The following ERC2 variants were observed in gnomAD, a reference collection of about 807,000 sequenced individuals.
ERC2 encodes the protein ELKS/RAB6-interacting/CAST family member 2.
A neutral mutation model predicts 114.8 loss-of-function variants in ERC2; 42 were observed. The ratio of observed to expected loss-of-function variants is 0.37; its 90% CI spans 0.29 to 0.47. ERC2 has a LOEUF of 0.47. Among genes scored for constraint, ERC2 ranks in the 20% least tolerant of loss-of-function variants. The pLI is 0.99. For synonymous variants in ERC2, 454 were observed against 425.5 expected, an observed-to-expected ratio of 1.07 and a Z score of -0.82; for missense variants, 939 against 1,150.7, an observed-to-expected ratio of 0.82 and a Z score of 2.66.
chr3:55,893,901 T>G lies in ERC2; in HGVS notation c.2404-5352A>C, dbSNP rs180709342. ...GTGTATCCCTAGCCTCTGACTCTAC[T>G]CTTACCCCTAAGTGAGGACATGGTT... On this transcript the variant is annotated intron_variant, in intron 13 of 17. Transcript: ENST00000288221. Among the ~76,000 whole-genome samples, 508 of 152,304 alleles carry G rather than the reference T, an allele frequency of 3.3e-3. 3 individuals carry two copies. The highest frequency in any genetic ancestry group is 8.9e-3 in the African/African-American group (369 of 41,564).
At chr3:56,257,406 C>T (rs2052594101) in intron 3 of ERC2, among the ~76,000 whole-genome samples, 1 of 152,196 alleles carries the variant, frequency 6.6e-6, no homozygotes, top group African/African-American at 2.4e-5. Context: ...TTGAGAACCA[C>T]CTGCAGTTCA....
intron 2 of ERC2, among the ~76,000 whole-genome samples, chr3:56,309,269 C>G (rs73088517): frequency 0.061 from 9,259 of 152,232 alleles, 680 homozygotes; most frequent in African/African-American, 0.17. Flanking sequence ...GGGTTCCTCA[C>G]CCACACACTG....
rs2049488394 is a variant in ERC2 at position 56,216,547 on chromosome 3, C to T, written c.1075-43027G>A. ...GTCCAGAACCAGACAGATTCACAGCCGAATTCTACCAGAGGTATAAGGAGG... is the reference window on the plus strand; with the variant it reads ...GTCCAGAACCAGACAGATTCACAGCTGAATTCTACCAGAGGTATAAGGAGG... On this transcript the variant is annotated intron_variant, in intron 3 of 17. Transcript: ENST00000288221. Among the ~76,000 whole-genome samples the T allele has an allele frequency of 2.0e-5, 3 of 152,136 alleles. No individual in the cohort carries two copies. The South Asian group carries it at 6.2e-4, about 32-fold the overall frequency.
chr3:55,943,881 C>T (rs1255420955), intron 13 of ERC2, among the ~76,000 whole-genome samples: 3 of 152,084 alleles, frequency 2.0e-5, no homozygotes, highest in African/African-American at 4.8e-5. Context: ...CTCTACAAGC[C>T]CAGCCCTCCT....
At chr3:55,900,777 G>T (rs1371342783) in intron 13 of ERC2, among the ~76,000 whole-genome samples, 2 of 152,204 alleles carry the variant, frequency 1.3e-5, no homozygotes, top group African/African-American at 4.8e-5. Flanking sequence ...ATAGTCAACA[G>T]ATGTGGGAGG....
intron 14 of ERC2, among the ~76,000 whole-genome samples, chr3:55,755,919 G>A (rs953618768): frequency 7.2e-5 from 11 of 152,024 alleles, no homozygotes; most frequent in African/African-American, 2.7e-4. Context: ...ATAAATAAAT[G>A]TTGATACTAA....
intron 14 of ERC2, among the ~76,000 whole-genome samples, chr3:55,871,575 A>G (rs2062585298): frequency 6.6e-6 from 1 of 152,222 alleles, no homozygotes; most frequent in Admixed American, 6.5e-5. Flanking sequence ...CGGAAGAGGC[A>G]CCATTCGGCC....
At chr3:55,909,792 A>C (rs2064692803) in intron 13 of ERC2, among the ~76,000 whole-genome samples, 1 of 152,184 alleles carries the variant, frequency 6.6e-6, no homozygotes, top group South Asian at 2.1e-4. Flanking sequence ...TTTTTCTACC[A>C]AACATGACAG....
chr3:56,464,221 G>A (rs1378622211), intron 1 of ERC2, among the ~76,000 whole-genome samples: 3 of 152,224 alleles, frequency 2.0e-5, no homozygotes, highest in African/African-American at 4.8e-5. Flanking sequence ...CAGAGTCTAC[G>A]TTTACAGACA....
intron 6 of ERC2, among the ~76,000 whole-genome samples, chr3:56,121,058 C>A (rs2079546838): frequency 6.6e-6 from 1 of 152,162 alleles, no homozygotes; most frequent in Non-Finnish European, 1.5e-5. Context: ...AATTTGAAAT[C>A]CTGCATGATT....
At chr3:56,423,668 C>CA (rs2061466879) in intron 2 of ERC2, among the ~76,000 whole-genome samples, 1 of 152,198 alleles carries the variant, frequency 6.6e-6, no homozygotes, top group Admixed American at 6.5e-5. Context: ...TTCCAAGGCA[C>CA]AATCAAGCAC....
chr3:55,710,485 G>T (rs370555944), intron 15 of ERC2, among the ~76,000 whole-genome samples: 1 of 151,864 alleles, frequency 6.6e-6, no homozygotes, highest in Non-Finnish European at 1.5e-5. Context: ...GAGTCATATG[G>T]TTGTTTTTTT....
chr3:55,993,455 T>C (rs2071236267), intron 10 of ERC2, among the ~76,000 whole-genome samples: 1 of 152,168 alleles, frequency 6.6e-6, no homozygotes, highest in South Asian at 2.1e-4. Flanking sequence ...GAAAAATTAA[T>C]ACTAATACTA....
chr3:55,828,060 A>G (rs892634616), intron 14 of ERC2, among the ~76,000 whole-genome samples: 1 of 152,252 alleles, frequency 6.6e-6, no homozygotes, highest in African/African-American at 2.4e-5. Flanking sequence ...ACCAACTGTG[A>G]CCGTCTGGAA....
chr3:56,032,959 C>G lies in ERC2; in HGVS notation c.1642-13928G>C, dbSNP rs201681821. On this transcript the variant is annotated intron_variant, in intron 7 of 17. Coordinates refer to ENST00000288221, the MANE Select transcript of ERC2 (RefSeq NM_015576.3). ...AGAAAGAAAGAAAGAAAGAAAGAAA[C>G]AGAAAGAAAGAAAGAAAGAGAAAGA... Among the ~76,000 whole-genome samples, 273 of 38,628 alleles carry G rather than the reference C, an allele frequency of 7.1e-3. 9 individuals are homozygous for G. The highest frequency in any genetic ancestry group is 0.021 in the Admixed American group (67 of 3,180). The allele number at this position is 38,628 out of a possible 152,430, so 25.3% of individuals were successfully genotyped here. A position where few individuals can be genotyped will look rare whatever the true frequency, so the allele number is the denominator to read the frequency against.
At chr3:56,390,214 C>T (rs528488348) in intron 2 of ERC2, among the ~76,000 whole-genome samples, 1 of 152,264 alleles carries the variant, frequency 6.6e-6, no homozygotes, top group South Asian at 2.1e-4. Context: ...CTATATTTTA[C>T]ACTGCATAAA....
intron 2 of ERC2, among the ~76,000 whole-genome samples, chr3:56,315,303 G>C (rs1418207935): frequency 1.3e-5 from 2 of 152,038 alleles, no homozygotes; most frequent in African/African-American, 4.8e-5. Flanking sequence ...AGAATTAAGG[G>C]GCCACTTAGG....
intron 3 of ERC2, among the ~76,000 whole-genome samples, chr3:56,198,812 G>C (rs1035247248): frequency 6.6e-6 from 1 of 152,094 alleles, no homozygotes; most frequent in Non-Finnish European, 1.5e-5. Flanking sequence ...GATGGTTAAA[G>C]TAAGAGGATC....
chr3:56,148,248 A>G (rs1331380724), intron 5 of ERC2, among the ~76,000 whole-genome samples: 1 of 152,160 alleles, frequency 6.6e-6, no homozygotes, highest in East Asian at 1.9e-4. Context: ...ACTCAAAACT[A>G]TTTATGTCTT....
Sources: allele counts gnomAD v4.1 joint callset (sites outside exome capture counted in the v4.1 genomes callset), GRCh38; gene constraint gnomAD v4.1.1; transcripts MANE v1.5; gene names NCBI Gene and HGNC (gene_info 2026-07-23, HGNC 2026-07-21).